Variants in RASSF3 observed in about 807,000 individuals in gnomAD.
RASSF3 encodes the protein ras association domain-containing protein 3.
RASSF3 carries 19 observed loss-of-function variants against 19.9 expected under a neutral mutation model. The ratio of observed to expected loss-of-function variants is 0.96; its 90% CI spans 0.67 to 1.40. The LOEUF is 1.40. Among genes scored for constraint, RASSF3 ranks in the 40% most tolerant of loss-of-function variants. The pLI is 0.00. For synonymous variants in RASSF3, 110 were observed against 104.2 expected (o/e 1.06, Z -0.34); for missense variants, 306 against 289.8 (o/e 1.06, Z -0.41).
intron 2 of RASSF3, among the ~76,000 whole-genome samples, chr12:64,597,811 A>G (rs1374643410): frequency 6.6e-6 from 1 of 152,156 alleles, no homozygotes; most frequent in Non-Finnish European, 1.5e-5. Flanking sequence ...AGTTTTTGCT[A>G]GTGACCTGTC....
At chr12:64,612,733 C>T (rs937000623) in intron 1 of RASSF3, among the ~76,000 whole-genome samples, 1 of 152,070 alleles carries the variant, frequency 6.6e-6, no homozygotes, top group Admixed American at 6.6e-5. Flanking sequence ...GCCTTGGCCT[C>T]CCAAAGTGCA....
At chr12:64,684,009 AGT>A (rs1555216478) in intron 1 of RASSF3, among the ~76,000 whole-genome samples, 49 of 73,996 alleles carry the variant, frequency 6.6e-4, no homozygotes, top group South Asian at 1.6e-3. Flanking sequence ...AGAGAGAGAG[AGT>A]GAGTGTGTGT....
At chr12:64,556,513 C>G (rs1366651580) in intron 2 of RASSF3, among the ~76,000 whole-genome samples, 2 of 152,204 alleles carry the variant, frequency 1.3e-5, no homozygotes, top group East Asian at 3.9e-4. Flanking sequence ...GGAGTCCTTC[C>G]TTTTGCAGGA....
upstream of RASSF3, among the ~76,000 whole-genome samples, chr12:64,608,409 C>T (rs1221579953): frequency 6.6e-6 from 1 of 152,128 alleles, no homozygotes; most frequent in Non-Finnish European, 1.5e-5. Context: ...CAACCTAGGC[C>T]ACTCCGGGTT....
downstream of RASSF3, among the ~76,000 whole-genome samples, chr12:64,542,941 G>A (rs1041474025): frequency 6.6e-6 from 1 of 152,136 alleles, no homozygotes; most frequent in Non-Finnish European, 1.5e-5. Flanking sequence ...GGAGAGGCAC[G>A]GGCGGGAACC....
intron 2 of RASSF3, among the ~76,000 whole-genome samples, chr12:64,593,209 A>C (rs572987349): frequency 1.3e-5 from 2 of 152,136 alleles, no homozygotes; most frequent in South Asian, 4.1e-4. Flanking sequence ...ATTGCATTCT[A>C]TTTTGCCATG....
At chr12:64,524,497 C>A (rs1221153020) in intron 1 of RASSF3, among the ~76,000 whole-genome samples, 1 of 152,078 alleles carries the variant, frequency 6.6e-6, no homozygotes, top group Non-Finnish European at 1.5e-5. Context: ...TGTTTTGTGG[C>A]TCCCTACTGC....
At chr12:64,642,268 G>A (rs1443107590) in intron 1 of RASSF3, among the ~76,000 whole-genome samples, 1 of 151,724 alleles carries the variant, frequency 6.6e-6, no homozygotes, top group Non-Finnish European at 1.5e-5. Context: ...TTATGAGAAG[G>A]TTCATCAAGG....
rs146008419 is a variant in RASSF3, at chr12:64,511,844, A to G, written c.169+4515A>G. 2.2e-3 allele frequency among the ~76,000 whole-genome samples: 328 copies of G among 152,308 alleles called. 3 individuals are homozygous for G. The highest frequency in any genetic ancestry group is 7.4e-3 in the African/African-American group (309 of 41,546). ...ACTCTCAGGATGGTCAAAAAATCAG[A>G]GCTAGAAGACCTAGCTGTTTTCAGA... On this transcript the variant is annotated intron_variant, in intron 1 of 5. Transcript: ENST00000637125.
At chr12:64,600,177 A>G (rs78645935) in intron 2 of RASSF3, among the ~76,000 whole-genome samples, 2,020 of 152,204 alleles carry the variant, frequency 0.013, 43 homozygotes, top group African/African-American at 0.047. Context: ...ACAAACAACT[A>G]GCCAGGCACA....
Position 64,696,983 on chromosome 12 carries a change from T to C in RASSF3, c.*2071T>C, listed in dbSNP as rs1221773193. On this transcript the variant is annotated 3_prime_UTR_variant, in exon 5 of 5. Coordinates refer to ENST00000542104, the MANE Select transcript of RASSF3 (RefSeq NM_178169.4). ...TTTTTAATTATTCATCCCAGTAAAC[T>C]TATATTTTGTGAAGCATTTGTTTCT... is the stretch of plus-strand genomic sequence containing the variant. 1 of 152,166 alleles carries C rather than the reference T, an allele frequency of 6.6e-6. No individual in the cohort carries two copies. The highest frequency in any genetic ancestry group is 1.5e-5 in the Non-Finnish European group (1 of 68,028). 9.4% of individuals were successfully genotyped at this position (152,166 alleles called of 1,614,324 possible).
At chr12:64,514,446 A>G (rs377513443) in intron 1 of RASSF3, among the ~76,000 whole-genome samples, 1 of 151,982 alleles carries the variant, frequency 6.6e-6, no homozygotes, top group Admixed American at 6.6e-5. Context: ...CAGCTTCCCA[A>G]AGTGCTGAGA....
At position 64,637,519 on chromosome 12, in the gene RASSF3, T is replaced by G. The variant is rs12304348; in HGVS notation, c.111+26776T>G. ...ATCTCGGCTCACTGCAACCTCTGAC[T>G]GCTGGGTTCCAGCAATTCTCATGCC... is the stretch of plus-strand genomic sequence containing the variant. On this transcript the variant is annotated intron_variant, in intron 1 of 4. Coordinates refer to ENST00000542104, the MANE Select transcript of RASSF3 (RefSeq NM_178169.4). Among the ~76,000 whole-genome samples, 21 of 150,738 alleles carry G rather than the reference T, an allele frequency of 1.4e-4. No homozygotes were observed. In the East Asian group the frequency reaches 4.0e-3, roughly 29 times the overall value.
upstream of RASSF3, among the ~76,000 whole-genome samples, chr12:64,609,124 C>T (rs2088844100): frequency 2.0e-5 from 3 of 152,092 alleles, no homozygotes. Context: ...CAATTCTTCT[C>T]TCCTTCCCGT....
intron 2 of RASSF3, among the ~76,000 whole-genome samples, chr12:64,686,563 A>AT (rs1275089851): frequency 4.6e-5 from 7 of 151,970 alleles, no homozygotes; most frequent in Non-Finnish European, 4.4e-5. Context: ...GTGAGGCAAG[A>AT]TCGTGCCACT....
chr12:64,639,774 T>C (rs751354563), intron 1 of RASSF3, among the ~76,000 whole-genome samples: 3 of 152,184 alleles, frequency 2.0e-5, no homozygotes, highest in Non-Finnish European at 2.9e-5. Context: ...TGTAACTGCA[T>C]TCTTCAATAA....
chr12:64,692,281 T>C (rs1868297594), intron 4 of RASSF3, among the ~76,000 whole-genome samples: 2 of 152,180 alleles, frequency 1.3e-5, no homozygotes, highest in Non-Finnish European at 1.5e-5. Flanking sequence ...CATGGTGCAA[T>C]TGAGAATAGG....
At chr12:64,655,159 A>G (rs1455725617) in intron 1 of RASSF3, 1 of 152,226 alleles carries the variant, frequency 6.6e-6, no homozygotes, top group East Asian at 1.9e-4. Flanking sequence ...GAAGTTTTAA[A>G]TCCATGTAAT....
chr12:64,542,671 C>T (rs956178527), downstream of RASSF3, among the ~76,000 whole-genome samples: 2 of 152,212 alleles, frequency 1.3e-5, no homozygotes, highest in Non-Finnish European at 2.9e-5. Context: ...GGGTGGATTG[C>T]TTAAGGCCAG....
Sources: allele counts gnomAD v4.1 joint callset (sites outside exome capture counted in the v4.1 genomes callset), GRCh38; gene constraint gnomAD v4.1.1; transcripts MANE v1.5; gene names NCBI Gene and HGNC (gene_info 2026-07-23, HGNC 2026-07-21).